Variants in LCORL observed in about 807,000 individuals in gnomAD.
LCORL encodes the protein ligand-dependent nuclear receptor corepressor-like protein.
In LCORL, 41 loss-of-function variants were observed where a neutral mutation model predicts 141.8. That is an observed-to-expected ratio of 0.29 (90% confidence interval 0.23 to 0.38). The LOEUF (loss-of-function observed/expected upper bound fraction) is 0.38. LCORL is among the 10% of genes least tolerant of loss of function. LCORL has a pLI of 1.00. For missense variants in LCORL, 1,759 were observed against 2,035.0 expected (o/e 0.86, Z 2.61); for synonymous variants, 618 against 694.1 (o/e 0.89, Z 1.72).
At chr4:17,869,182 T>C (rs1028705286) in intron 7 of LCORL, among the ~76,000 whole-genome samples, 4 of 152,094 alleles carry the variant, frequency 2.6e-5, no homozygotes, top group African/African-American at 9.7e-5. Flanking sequence ...CATTTCTTTA[T>C]CTTCAATTGT....
At chr4:17,967,014 G>T (rs1715021387) in intron 2 of LCORL, among the ~76,000 whole-genome samples, 1 of 152,134 alleles carries the variant, frequency 6.6e-6, no homozygotes, top group South Asian at 2.1e-4. Context: ...TTTTGAAAGT[G>T]AGCAAGATGT....
At position 17,909,364 on chromosome 4, in the gene LCORL, T is replaced by A. The variant is rs1255743649; in HGVS notation, c.431-19A>T. On this transcript the variant is annotated intron_variant, in intron 4 of 7. Coordinates refer to ENST00000635767, the Ensembl canonical transcript of LCORL. ...GGAAGATCTAGGGAAGAAATAAATA[T>A]AATAATCATTTTAAAAAGAGAAAGG... 4 of 1,514,138 alleles carry A rather than the reference T, an allele frequency of 2.6e-6. No individual in the cohort carries two copies. The highest frequency in any genetic ancestry group is 1.4e-5 in the African/African-American group (1 of 71,200). The allele number at this position is 1,514,138 out of a possible 1,614,324, so 93.8% of individuals were successfully genotyped here. A position where few individuals can be genotyped will look rare whatever the true frequency, so the allele number is the denominator to read the frequency against.
chr4:17,946,663 G>T (rs930931810), intron 4 of LCORL, among the ~76,000 whole-genome samples: 2 of 151,788 alleles, frequency 1.3e-5, no homozygotes, highest in Non-Finnish European at 2.9e-5. Flanking sequence ...GACAAAGAAA[G>T]GTAAAACTCA....
chr4:18,015,900 T>C (rs1271852050), intron 1 of LCORL, among the ~76,000 whole-genome samples: 1 of 151,496 alleles, frequency 6.6e-6, no homozygotes, highest in Non-Finnish European at 1.5e-5. Context: ...ATTTATTGTA[T>C]TCAGTTACCA....
intron 4 of LCORL, chr4:17,912,774 C>T (rs936689805): frequency 1.9e-5 from 8 of 419,290 alleles, no homozygotes; most frequent in Non-Finnish European, 3.7e-5. Context: ...CAGCACCAGG[C>T]CCAGGAGTAC....
intron 4 of LCORL, among the ~76,000 whole-genome samples, chr4:17,953,999 T>C (rs1712030684): frequency 1.3e-5 from 2 of 151,994 alleles, no homozygotes; most frequent in African/African-American, 4.8e-5. Flanking sequence ...CCGTCTCTAC[T>C]AAAAATACAA....
At chr4:18,000,824 T>C (rs1404717735) in intron 1 of LCORL, among the ~76,000 whole-genome samples, 1 of 152,190 alleles carries the variant, frequency 6.6e-6, no homozygotes, top group Admixed American at 6.5e-5. Context: ...CATTTCTTGA[T>C]CTGGTGGTGG....
chr4:17,927,546 G>A (rs137974520), intron 4 of LCORL, among the ~76,000 whole-genome samples: 9 of 152,216 alleles, frequency 5.9e-5, no homozygotes, highest in Non-Finnish European at 1.3e-4. Context: ...GTCATTTATA[G>A]CTTTTGATTT....
At chr4:17,892,206 T>C (rs1479975110) in intron 5 of LCORL, among the ~76,000 whole-genome samples, 4 of 151,188 alleles carry the variant, frequency 2.6e-5, no homozygotes, top group African/African-American at 9.7e-5. Context: ...TATTTTTTTT[T>C]TTCTTTTTTT....
intron 4 of LCORL, among the ~76,000 whole-genome samples, chr4:17,943,600 C>T (rs567024299): frequency 2.3e-4 from 35 of 152,274 alleles, no homozygotes; most frequent in African/African-American, 7.9e-4. Context: ...CTTTGGCTTA[C>T]TATTTCACCA....
intron 1 of LCORL, among the ~76,000 whole-genome samples, chr4:17,983,660 T>C (rs1420714825): frequency 6.6e-6 from 1 of 152,182 alleles, no homozygotes; most frequent in African/African-American, 2.4e-5. Flanking sequence ...GAAGGAGCTT[T>C]TGGGCTGAGA....
chr4:17,850,081 T>C (rs1440077195), intron 7 of LCORL, among the ~76,000 whole-genome samples: 1 of 149,518 alleles, frequency 6.7e-6, no homozygotes, highest in South Asian at 2.1e-4. Flanking sequence ...TAGCCATATG[T>C]AGAAAGCTGA....
chr4:17,965,856 TAATA>T (rs1221314186), intron 2 of LCORL, among the ~76,000 whole-genome samples: 1 of 152,134 alleles, frequency 6.6e-6, no homozygotes, highest in African/African-American at 2.4e-5. Flanking sequence ...ACCTCATTAT[TAATA>T]AATAATTTTT....
At chr4:17,970,324 A>G (rs527250459) in intron 2 of LCORL, among the ~76,000 whole-genome samples, 2 of 152,320 alleles carry the variant, frequency 1.3e-5, no homozygotes, top group South Asian at 2.1e-4. Context: ...CTTGTGCTCT[A>G]CATTTCCAAG....
rs1725546302 is a variant in LCORL at position 18,021,381 on chromosome 4, A to G, written c.154+217T>C. On this transcript the variant is annotated intron_variant, in intron 1 of 7. Transcript: ENST00000635767. This position sits in a 1 kb window ranked among gnomAD's most constrained non-coding sequence, Gnocchi z 5.5. The stretch of plus-strand genomic sequence containing the variant: ...AAACTAACAGTTCCCGGGGAGCCCA[A>G]GAGCTGGGAAGGCGAAGGAGCGCGG... Among the ~76,000 whole-genome samples the G allele has an allele frequency of 6.6e-6, 1 of 152,100 alleles. No individual in the cohort carries two copies. Among genetic ancestry groups the G allele is most frequent in the Admixed American group, 6.5e-5 (1 of 15,282 alleles).
intron 5 of LCORL, among the ~76,000 whole-genome samples, chr4:17,907,716 G>A (rs531065788): frequency 3.4e-4 from 52 of 152,146 alleles, no homozygotes; most frequent in African/African-American, 1.1e-3. Context: ...CCCCCCCACC[G>A]GCTTTTTAAA....
chr4:17,885,184 T>C (rs1728104908), intron 6 of LCORL, among the ~76,000 whole-genome samples: 1 of 151,934 alleles, frequency 6.6e-6, no homozygotes, highest in Non-Finnish European at 1.5e-5. Flanking sequence ...TCAACCCCTT[T>C]AAAGGAAATT....
exon 7 of LCORL, chr4:17,875,691 G>T: frequency 8.1e-7 from 1 of 1,231,308 alleles, no homozygotes; most frequent in Non-Finnish European, 1.0e-6. Flanking sequence ...TTTAGGCTTT[G>T]GTGGTCTTCC....
chr4:17,936,769 C>A (rs571014627), intron 4 of LCORL, among the ~76,000 whole-genome samples: 1 of 152,116 alleles, frequency 6.6e-6, no homozygotes, highest in Non-Finnish European at 1.5e-5. Context: ...TTCTATCCTT[C>A]CCTCCCCTTC....
Sources: allele counts gnomAD v4.1 joint callset (sites outside exome capture counted in the v4.1 genomes callset), GRCh38; gene constraint gnomAD v4.1.1; non-coding constraint Gnocchi (gnomAD v3.1); transcripts MANE v1.5; gene names NCBI Gene and HGNC (gene_info 2026-07-23, HGNC 2026-07-21).